TCF12: variants seen among roughly 807,000 people sequenced by gnomAD.
The protein encoded by TCF12 is transcription factor 12.
TCF12 carries 45 observed loss-of-function variants against 86.0 expected under a neutral mutation model. That is an observed-to-expected ratio of 0.52 (90% CI 0.41 to 0.67). The LOEUF is 0.67. Ranked by LOEUF, TCF12 falls within the 30% of genes least tolerant of loss-of-function variation. TCF12 has a pLI of 0.00. For missense variants in TCF12, 881 were observed against 859.9 expected (o/e 1.02, Z -0.31); for synonymous variants, 330 against 299.6 (o/e 1.10, Z -1.05).
intron 5 of TCF12, among the ~76,000 whole-genome samples, chr15:57,093,556 AT>A (rs1456727177): frequency 1.3e-5 from 2 of 152,220 alleles, no homozygotes; most frequent in African/African-American, 4.8e-5. Context: ...GACGATTAAA[AT>A]TTTGTACGGG....
chr15:57,002,395 C>G (rs1329256612), intron 3 of TCF12, among the ~76,000 whole-genome samples: 1 of 152,190 alleles, frequency 6.6e-6, no homozygotes, highest in East Asian at 1.9e-4. Flanking sequence ...AAATCATACT[C>G]AATCACAATG....
chr15:57,080,471 A>G (rs2070531728), intron 4 of TCF12, among the ~76,000 whole-genome samples: 1 of 152,128 alleles, frequency 6.6e-6, no homozygotes, highest in African/African-American at 2.4e-5. Context: ...GAGATCTAGG[A>G]ATTGAGGAAG....
chr15:57,161,804 T>A (rs1458126545), intron 5 of TCF12, among the ~76,000 whole-genome samples: 8 of 152,210 alleles, frequency 5.3e-5, no homozygotes, highest in African/African-American at 1.9e-4. Context: ...CATATCATAA[T>A]TGTTGCAGAT....
chr15:56,931,262 A>G (rs1288824090), intron 3 of TCF12, among the ~76,000 whole-genome samples: 4 of 152,174 alleles, frequency 2.6e-5, no homozygotes, highest in South Asian at 2.1e-4. Context: ...AGTCCACCCA[A>G]TACATTGATT....
chr15:57,049,037 G>A (rs923145537), intron 3 of TCF12, among the ~76,000 whole-genome samples: 14 of 152,132 alleles, frequency 9.2e-5, no homozygotes, highest in African/African-American at 2.9e-4. Flanking sequence ...AGAGAGCCAT[G>A]TTGACCGTGG....
chr15:57,055,185 C>G (rs532295796), intron 3 of TCF12, among the ~76,000 whole-genome samples: 2 of 151,912 alleles, frequency 1.3e-5, no homozygotes, highest in East Asian at 3.9e-4. Context: ...CGAATCAAGC[C>G]GGGGTCAGGA....
At chr15:57,030,765 C>T (rs1309809245) in intron 3 of TCF12, among the ~76,000 whole-genome samples, 3 of 152,090 alleles carry the variant, frequency 2.0e-5, no homozygotes, top group South Asian at 2.1e-4. Context: ...ATCTTAATTG[C>T]ATATTCATAT....
intron 3 of TCF12, among the ~76,000 whole-genome samples, chr15:56,953,251 A>G (rs546559862): frequency 6.6e-6 from 1 of 152,062 alleles, no homozygotes; most frequent in East Asian, 1.9e-4. Context: ...TAGATTTGTT[A>G]AATTTTATTT....
rs1407660772 is a variant in TCF12 at position 57,077,745 on chromosome 15, T to A, written c.222+13922T>A. ...CCACACCTGGCGGATCTGTAGTTTT[T>A]TAAAAAAAAAAAAACGTTTGCATGT... is the stretch of plus-strand genomic sequence containing the variant. On this transcript the variant is annotated intron_variant, in intron 4 of 20. Coordinates refer to ENST00000333725, the MANE Select transcript of TCF12 (RefSeq NM_207037.2). 5.9e-3 allele frequency among the ~76,000 whole-genome samples: 851 copies of A among 145,160 alleles called. 8 individuals carry two copies. The highest frequency in any genetic ancestry group is 0.012 in the African/African-American group (465 of 39,772).
chr15:56,920,016 G>C (rs564604015), intron 2 of TCF12, 28 bp downstream of exon 2: 1 of 1,613,312 alleles, frequency 6.2e-7, no homozygotes, highest in South Asian at 1.1e-5. Context: ...GGCATCTTGG[G>C]GTTCTGCTGA....
chr15:57,257,759 T>C (rs1200590861), intron 16 of TCF12, among the ~76,000 whole-genome samples: 3 of 151,002 alleles, frequency 2.0e-5, no homozygotes, highest in African/African-American at 7.3e-5. Flanking sequence ...GTGATCAAGG[T>C]TACTAGCAGT....
chr15:57,014,981 T>C (rs1399549999), intron 3 of TCF12, among the ~76,000 whole-genome samples: 1 of 151,838 alleles, frequency 6.6e-6, no homozygotes, highest in Non-Finnish European at 1.5e-5. Context: ...AGGAGATTAT[T>C]ATCAACAGTT....
At chr15:56,947,152 G>A (rs2061039838) in intron 3 of TCF12, among the ~76,000 whole-genome samples, 1 of 152,116 alleles carries the variant, frequency 6.6e-6, no homozygotes, top group Admixed American at 6.5e-5. Flanking sequence ...GCATTCTGAG[G>A]TCTTTACTGA....
chr15:56,922,294 T>A (rs892226680), intron 3 of TCF12, among the ~76,000 whole-genome samples: 1 of 152,034 alleles, frequency 6.6e-6, no homozygotes, highest in Middle Eastern at 3.2e-3. Flanking sequence ...TTTTTAAAAA[T>A]GAGTCTTGAT....
intron 5 of TCF12, among the ~76,000 whole-genome samples, chr15:57,150,555 A>G (rs1370276143): frequency 6.6e-6 from 1 of 152,222 alleles, no homozygotes. Context: ...GAAGGAATAC[A>G]GCAAAATCTA....
chr15:57,002,823 G>A (rs548788299), intron 3 of TCF12, among the ~76,000 whole-genome samples: 45 of 152,192 alleles, frequency 3.0e-4, no homozygotes, highest in Admixed American at 1.3e-3. Flanking sequence ...CAGTTTGCAG[G>A]TAATGATTGA....
At chr15:57,178,847 C>A (rs1391785623) in intron 6 of TCF12, among the ~76,000 whole-genome samples, 3 of 152,272 alleles carry the variant, frequency 2.0e-5, no homozygotes, top group Admixed American at 2.0e-4. Context: ...CCTATACATT[C>A]CTAAAGGAAA....
chr15:56,960,832 A>C (rs1345432508), intron 3 of TCF12, among the ~76,000 whole-genome samples: 3 of 152,064 alleles, frequency 2.0e-5, no homozygotes, highest in Non-Finnish European at 4.4e-5. Flanking sequence ...AACCTTGAAG[A>C]ATTAGTTTAA....
chr15:57,081,314 G>A (rs971893214), intron 4 of TCF12, among the ~76,000 whole-genome samples: 1 of 152,036 alleles, frequency 6.6e-6, no homozygotes, highest in Non-Finnish European at 1.5e-5. Context: ...ATTTCATGGT[G>A]GGCTCTGGAC....
Sources: allele counts gnomAD v4.1 joint callset (sites outside exome capture counted in the v4.1 genomes callset), GRCh38; gene constraint gnomAD v4.1.1; transcripts MANE v1.5; gene names NCBI Gene and HGNC (gene_info 2026-07-23, HGNC 2026-07-21).